The following DPP10 variants were observed in gnomAD, a reference collection of about 807,000 sequenced individuals.
The protein encoded by DPP10 is dipeptidyl peptidase like 10.
Under a neutral mutation model 120.9 loss-of-function variants are expected in DPP10, and 33 were observed. The ratio of observed to expected loss-of-function variants is 0.27; its 90% CI spans 0.21 to 0.37. The LOEUF is 0.37. Among genes scored for constraint, DPP10 ranks in the 10% least tolerant of loss-of-function variants. The pLI, the probability that DPP10 is intolerant of heterozygous loss-of-function variation, is 1.00. For missense variants in DPP10, 816 were observed against 942.8 expected, an observed-to-expected ratio of 0.87 and a Z score of 1.76; for synonymous variants, 337 against 326.1, an observed-to-expected ratio of 1.03 and a Z score of -0.36.
chr2:115,427,936 G>A (rs1191588905), intron 3 of DPP10, among the ~76,000 whole-genome samples: 1 of 152,194 alleles, frequency 6.6e-6, no homozygotes, highest in African/African-American at 2.4e-5. Context: ...GAAGCAGCCA[G>A]ACAACTTCTT....
At chr2:114,464,178 G>T (rs970840865) in intron 1 of DPP10, among the ~76,000 whole-genome samples, 27 of 152,240 alleles carry the variant, frequency 1.8e-4, no homozygotes, top group East Asian at 3.9e-4. Context: ...GGGGGATATG[G>T]TAAGTCTAAA....
rs1685323871 is a variant in DPP10 at position 115,802,146 on chromosome 2, C to T, written c.1700+10790C>T. On this transcript the variant is annotated intron_variant, in intron 19 of 25. Coordinates refer to ENST00000410059, the MANE Select transcript of DPP10 (RefSeq NM_020868.6). ...GGTCTATTCAGAGATTCAACTTCTT[C>T]CTGGTTTAGTCTTGGGATAGTGTAT... 3.3e-5 allele frequency among the ~76,000 whole-genome samples: 5 copies of T among 152,058 alleles called. No homozygotes were observed. The Admixed American group carries it at 3.3e-4, about 10-fold the overall frequency.
chr2:115,532,290 A>G (rs1193065233), intron 5 of DPP10, among the ~76,000 whole-genome samples: 1 of 152,048 alleles, frequency 6.6e-6, no homozygotes, highest in African/African-American at 2.4e-5. Context: ...ACTTAGAGAT[A>G]TTAACTAACT....
At chr2:115,247,955 A>G (rs1475878733) in intron 1 of DPP10, among the ~76,000 whole-genome samples, 2 of 152,110 alleles carry the variant, frequency 1.3e-5, no homozygotes, top group Admixed American at 1.3e-4. Context: ...CAGGGAGAGC[A>G]TAACATGGTA....
chr2:115,415,607 C>T (rs1334324630), intron 3 of DPP10, among the ~76,000 whole-genome samples: 3 of 151,882 alleles, frequency 2.0e-5, no homozygotes, highest in Non-Finnish European at 4.4e-5. Context: ...CTTCTCTTTA[C>T]CAAGATTTCT....
At chr2:114,671,920 C>G (rs1163261609) in intron 1 of DPP10, among the ~76,000 whole-genome samples, 1 of 151,934 alleles carries the variant, frequency 6.6e-6, no homozygotes, top group Non-Finnish European at 1.5e-5. Context: ...CATATTTTCT[C>G]ACATTCTACT....
intron 1 of DPP10, among the ~76,000 whole-genome samples, chr2:114,658,280 G>T (rs1697113798): frequency 6.6e-6 from 1 of 152,158 alleles, no homozygotes; most frequent in Admixed American, 6.5e-5. Context: ...TGACATGGTG[G>T]AGAGAGTATA....
rs533392774 is a variant in DPP10, at chr2:115,475,590, C to T, written c.272-23920C>T. Among the ~76,000 whole-genome samples, 22 of 152,258 alleles carry T rather than the reference C, an allele frequency of 1.4e-4. 1 individual carries two copies. In the South Asian group the frequency reaches 3.5e-3, roughly 24 times the overall value. ...TAGTGGAGCTGTGAGAAGAGGGCCA[C>T]CATCCTTTAAACCCCAGAATGGTAG... On this transcript the variant is annotated intron_variant, in intron 3 of 25. Transcript: ENST00000410059.
chr2:114,477,959 G>A (rs12990939), intron 1 of DPP10, among the ~76,000 whole-genome samples: 3,147 of 53,260 alleles, frequency 0.059, 10 homozygotes, highest in East Asian at 0.12. Flanking sequence ...ATATATGTGT[G>A]TATATGTATA....
At chr2:114,683,754 C>G (rs1360733974) in intron 1 of DPP10, among the ~76,000 whole-genome samples, 1 of 151,876 alleles carries the variant, frequency 6.6e-6, no homozygotes, top group Non-Finnish European at 1.5e-5. Context: ...CTTCTCCCCT[C>G]CCGTCTTGGA....
intron 21 of DPP10, among the ~76,000 whole-genome samples, chr2:115,819,516 C>T (rs1246654681): frequency 6.6e-6 from 1 of 152,108 alleles, no homozygotes; most frequent in Non-Finnish European, 1.5e-5. Context: ...GTCTCTCCTC[C>T]ATCCCTCTTT....
At chr2:114,903,045 CA>C (rs1439226477) in intron 1 of DPP10, among the ~76,000 whole-genome samples, 1 of 152,140 alleles carries the variant, frequency 6.6e-6, no homozygotes, top group African/African-American at 2.4e-5. Flanking sequence ...TATTTGGAGT[CA>C]TACAATATGT....
chr2:115,785,779 C>G (rs1419761397), intron 17 of DPP10, among the ~76,000 whole-genome samples: 1 of 149,362 alleles, frequency 6.7e-6, no homozygotes, highest in Non-Finnish European at 1.5e-5. Flanking sequence ...TTCGAAGAAC[C>G]AACTTTTGGT....
intron 1 of DPP10, among the ~76,000 whole-genome samples, chr2:115,260,992 G>T (rs2059227255): frequency 6.6e-6 from 1 of 152,122 alleles, no homozygotes; most frequent in African/African-American, 2.4e-5. Context: ...AATTGTCCTT[G>T]TTAATAGAAG....
At position 115,379,536 on chromosome 2, in the gene DPP10, T is replaced by G. The variant is rs570442539; in HGVS notation, c.271+35624T>G. Among the ~76,000 whole-genome samples the G allele has an allele frequency of 5.3e-5, 8 of 152,230 alleles. No individual in the cohort carries two copies. The East Asian group carries it at 9.7e-4, about 18-fold the overall frequency. ...ATTCATTGATTTTTTGAAGGGTTTTTTGTGTCTCTATTTCCTTCAGTTCTG... is the reference window on the plus strand; with the variant it reads ...ATTCATTGATTTTTTGAAGGGTTTTGTGTGTCTCTATTTCCTTCAGTTCTG... On this transcript the variant is annotated intron_variant, in intron 3 of 25. Transcript: ENST00000410059.
At chr2:114,809,699 C>T (rs536143302) in intron 1 of DPP10, among the ~76,000 whole-genome samples, 1 of 152,276 alleles carries the variant, frequency 6.6e-6, no homozygotes, top group South Asian at 2.1e-4. Flanking sequence ...TACTTGGAGG[C>T]TGTCTCAGCT....
At chr2:115,726,331 G>T (rs1290357390) in intron 7 of DPP10, among the ~76,000 whole-genome samples, 1 of 152,080 alleles carries the variant, frequency 6.6e-6, no homozygotes, top group Non-Finnish European at 1.5e-5. Flanking sequence ...TGTGAACCAG[G>T]TTATCTTGTG....
intron 1 of DPP10, among the ~76,000 whole-genome samples, chr2:115,156,222 T>G (rs953154395): frequency 6.6e-6 from 1 of 152,234 alleles, no homozygotes; most frequent in South Asian, 2.1e-4. Context: ...ATTATTTGTA[T>G]AATCACCTGA....
chr2:114,452,087 T>C (rs1182139323), intron 1 of DPP10, among the ~76,000 whole-genome samples: 1 of 152,172 alleles, frequency 6.6e-6, no homozygotes, highest in East Asian at 1.9e-4. Flanking sequence ...TGCCAATCAT[T>C]TAGCTGTACC....
Sources: allele counts gnomAD v4.1 joint callset (sites outside exome capture counted in the v4.1 genomes callset), GRCh38; gene constraint gnomAD v4.1.1; transcripts MANE v1.5; gene names NCBI Gene and HGNC (gene_info 2026-07-23, HGNC 2026-07-21).